The following NLE1 variants were observed in gnomAD, a reference collection of about 807,000 sequenced individuals.
NLE1 encodes the protein notchless homolog 1, also known as notchless protein homolog 1.
NLE1 carries 37 observed loss-of-function variants against 62.8 expected under a neutral mutation model. That is an observed-to-expected ratio of 0.59 (90% confidence interval 0.45 to 0.78). NLE1 has a LOEUF of 0.78. Among genes scored for constraint, NLE1 ranks in the 30% least tolerant of loss-of-function variants. NLE1 has a pLI of 0.00. For missense variants in NLE1, 555 were observed against 637.9 expected (o/e 0.87, Z 1.40); for synonymous variants, 243 against 253.0 (o/e 0.96, Z 0.37).
At chr17:35,138,272 A>G (rs1383582137) in intron 4 of NLE1, among the ~76,000 whole-genome samples, 1 of 152,228 alleles carries the variant, frequency 6.6e-6, no homozygotes, top group African/African-American at 2.4e-5. Context: ...AAGGTCACTT[A>G]ACTAATCTGT....
Position 35,136,485 on chromosome 17 carries a change from G to A in NLE1, c.841C>T (p.Arg281Trp), listed in dbSNP as rs372488656. ...VWRAHDGVLCRTLQGHGHWVN... is the reference protein window; with the variant it reads ...VWRAHDGVLCWTLQGHGHWVN... ...CAGTGGCCGTGGCCTTGCAGAGTCC[G>A]GCACAGCACACCCTACGGGAGAGCG... The change falls in exon 8 of 13, where the codon CGG becomes TGG. Residue 281 changes from arginine to tryptophan, a missense_variant. Transcript: ENST00000442241. The A allele has an allele frequency of 7.6e-5, 123 of 1,613,472 alleles. No individual in the cohort carries two copies. The highest frequency in any genetic ancestry group is 8.4e-5 in the Non-Finnish European group (99 of 1,179,652).
At position 35,137,614 on chromosome 17, in the gene NLE1, C is replaced by G; in HGVS notation, c.564G>C (p.Gly188=). The change falls in exon 6 of 13, where the codon GGG becomes GGC. Residue 188 remains glycine (G), a synonymous_variant. Coordinates refer to ENST00000442241, the MANE Select transcript of NLE1 (RefSeq NM_018096.5). ...GQILLWDPST[G]KQVGRTLAGH... is the part of the protein sequence containing the mutation. ...CAGCGAGGGTCCTGCCCACCTGCTTCCCTGTGCTTGGGTCCCAGAGGAGAA... is the reference window on the plus strand; with the variant it reads ...CAGCGAGGGTCCTGCCCACCTGCTTGCCTGTGCTTGGGTCCCAGAGGAGAA... 1 of 1,610,712 alleles carries G rather than the reference C, an allele frequency of 6.2e-7. No individual in the cohort carries two copies. The highest frequency in any genetic ancestry group is 8.5e-7 in the Non-Finnish European group (1 of 1,179,966).
intron 2 of NLE1, among the ~76,000 whole-genome samples, chr17:35,140,775 G>A (rs1381278582): frequency 6.6e-6 from 1 of 151,916 alleles, no homozygotes; most frequent in Non-Finnish European, 1.5e-5. Flanking sequence ...ATTTTCAGTA[G>A]AGACTGTTTT....
intron 12 of NLE1, 113 bp from the exon 13 acceptor site, chr17:35,132,562 A>T: frequency 2.1e-6 from 2 of 958,470 alleles, no homozygotes; most frequent in Non-Finnish European, 2.8e-6. Context: ...CAGAGTCACC[A>T]AGAGCCAGGT....
chr17:35,136,401 C>G lies in NLE1; in HGVS notation c.925G>C (p.Ala309Pro). The change falls in exon 8 of 13, where the codon GCT (alanine) becomes CCT (proline). Residue 309 changes from alanine to proline, a missense_variant. Ala to Pro is a conservative substitution (Grantham distance 27). Coordinates refer to ENST00000442241, the MANE Select transcript of NLE1 (RefSeq NM_018096.5). ...YALRTGAFEP[A>P]EASVNPQDLQ... ...TCTTGGGGATTAACTGAGGCCTCAG[C>G]AGGTTCAAAGGCCCCAGTGCGCAGG... The G allele has an allele frequency of 6.2e-7, 1 of 1,614,062 alleles. No homozygotes were observed. Among genetic ancestry groups the G allele is most frequent in the African/African-American group, 1.3e-5 (1 of 75,046 alleles).
intron 8 of NLE1, 67 bp downstream of exon 8, chr17:35,136,295 C>T: frequency 5.0e-6 from 8 of 1,610,036 alleles, no homozygotes; most frequent in Non-Finnish European, 6.8e-6. Context: ...AGCAAACACT[C>T]CCCATTAAGC....
intron 4 of NLE1, among the ~76,000 whole-genome samples, chr17:35,138,659 G>C (rs1224205861): frequency 6.6e-6 from 1 of 152,182 alleles, no homozygotes; most frequent in East Asian, 1.9e-4. Flanking sequence ...GGCGAGGCTG[G>C]TCTCAAACTC....
chr17:35,141,442 A>G (rs1165252439), intron 2 of NLE1, among the ~76,000 whole-genome samples: 2 of 150,702 alleles, frequency 1.3e-5, no homozygotes, highest in Non-Finnish European at 2.9e-5. Context: ...GCTACTCGGG[A>G]GGCTGAGGCA....
rs755644419 is a variant in NLE1, at chr17:35,137,119, C to T, written c.710G>A (p.Arg237His). The change falls in exon 7 of 13, where the codon CGC (arginine) becomes CAC (histidine). Residue 237 changes from arginine (R) to histidine (H), a missense_variant. Transcript: ENST00000442241. ...SVRIWDTTAG[R>H]CERILTGHTQ... ...GTGCCCGGTGAGGATGCGCTCACAG[C>T]GGCCTGCAGTTGTGTCCCAGATCCG... is the stretch of plus-strand genomic sequence containing the variant. 3.1e-6 allele frequency: 5 copies of T among 1,613,808 alleles called. No homozygotes were observed. Among genetic ancestry groups the T allele is most frequent in the East Asian group, 2.2e-5 (1 of 44,888 alleles).
chr17:35,137,394 G>C (rs989501956), intron 6 of NLE1, 149 bp downstream of exon 6: 2 of 816,212 alleles, frequency 2.5e-6, no homozygotes, highest in Non-Finnish European at 3.9e-6. Context: ...AGGTCTGCCC[G>C]AGACCCTTCT....
chr17:35,137,425 A>T, intron 6 of NLE1, 118 bp downstream of exon 6: 1 of 901,586 alleles, frequency 1.1e-6, no homozygotes, highest in African/African-American at 1.6e-5. Flanking sequence ...CCAAGCCATC[A>T]CGGTCATTCA....
chr17:35,133,308 A>C, intron 11 of NLE1, 31 bp downstream of exon 11: 1 of 1,614,162 alleles, frequency 6.2e-7, no homozygotes. Flanking sequence ...CTCCAATCCC[A>C]GTCCCTCCTT....
chr17:35,140,096 C>T, intron 2 of NLE1, 30 bp from the exon 3 acceptor site: 3 of 1,605,562 alleles, frequency 1.9e-6, no homozygotes, highest in East Asian at 2.2e-5. Flanking sequence ...GACAAACCCG[C>T]AACAATGGAT....
chr17:35,136,126 A>C, intron 9 of NLE1, 43 bp downstream of exon 9: 1 of 1,606,878 alleles, frequency 6.2e-7, no homozygotes, highest in African/African-American at 1.3e-5. Flanking sequence ...TTGGCTAAGG[A>C]CTGGTACAGA....
Position 35,132,198 on chromosome 17 carries a change from G to C in NLE1, c.*239C>G. 4.4e-5 allele frequency: 16 copies of C among 366,202 alleles called. No individual in the cohort carries two copies. The highest frequency in any genetic ancestry group is 7.3e-5 in the Non-Finnish European group (15 of 204,662). The allele number at this position is 366,202 out of a possible 1,614,324, so 22.7% of individuals were successfully genotyped here. A position where few individuals can be genotyped will look rare whatever the true frequency, so the allele number is the denominator to read the frequency against. On this transcript the variant is annotated 3_prime_UTR_variant, in exon 13 of 13. Coordinates refer to ENST00000442241, the MANE Select transcript of NLE1 (RefSeq NM_018096.5). ...AGCAAGGTACAGAGTAGCAGACACG[G>C]GCCAAGTTCAGTGACAACTTCCTGT...
chr17:35,141,123 T>C (rs2091941075), intron 2 of NLE1, among the ~76,000 whole-genome samples: 2 of 152,346 alleles, frequency 1.3e-5, no homozygotes, highest in Admixed American at 6.5e-5. Context: ...AAAACGCCTG[T>C]TAAAAAATGT....
In NLE1 at chr17:35,137,211, G is replaced by A; in HGVS notation, c.636-18C>T. On this transcript the variant is annotated intron_variant, in intron 6 of 12. Coordinates refer to ENST00000442241, the MANE Select transcript of NLE1 (RefSeq NM_018096.5). ...CAGGGTTCCTGGAGAGAAGGGAGAT[G>A]TGACCTCATCTGTGACCTGGCAACA... 1 of 1,590,994 alleles carries A rather than the reference G, an allele frequency of 6.3e-7. No homozygotes were observed. Among genetic ancestry groups the A allele is most frequent in the Non-Finnish European group, 8.6e-7 (1 of 1,163,892 alleles).
At chr17:35,135,172 T>C (rs2091900724) in intron 10 of NLE1, 77 bp downstream of exon 10, 5 of 1,392,394 alleles carry the variant, frequency 3.6e-6, no homozygotes. Context: ...GCCAAGGCCA[T>C]ACAGCTAGTA....
At chr17:35,137,746 CTGATTCTGAACT>C in intron 5 of NLE1, 56 bp downstream of exon 5, 1 of 1,228,932 alleles carries the variant, frequency 8.1e-7, no homozygotes, top group Non-Finnish European at 1.2e-6. Context: ...ACTCCTGAAC[CTGATTCTGAACT>C]GTCTCCTAGG....
Sources: gnomAD v4.1 joint callset for allele counts (sites outside exome capture counted in the v4.1 genomes callset) on GRCh38, gnomAD v4.1.1 for gene constraint, MANE v1.5 for transcripts, NCBI Gene and HGNC (gene_info 2026-07-23, HGNC 2026-07-21) for gene names.